Variants in GCGR observed in about 807,000 individuals in gnomAD.
The protein encoded by GCGR is glucagon receptor.
Under a neutral mutation model 56.1 loss-of-function variants are expected in GCGR, and 41 were observed. That is an observed-to-expected ratio of 0.73 (90% confidence interval 0.57 to 0.95). The LOEUF (loss-of-function observed/expected upper bound fraction) is 0.95. GCGR is among the 40% of genes least tolerant of loss of function. The pLI, the probability that GCGR is intolerant of heterozygous loss-of-function variation, is 0.00. For synonymous variants in GCGR, 278 were observed against 271.1 expected (o/e 1.03, Z -0.25); for missense variants, 595 against 638.2 (o/e 0.93, Z 0.73).
At chr17:81,809,667 C>A in intron 2 of GCGR, 115 bp from the exon 3 acceptor site, 1 of 761,536 alleles carries the variant, frequency 1.3e-6, no homozygotes. Context: ...GTCTGTCTGC[C>A]TGTCTGTCCA....
chr17:81,809,539 C>T (rs1183242945), intron 2 of GCGR, among the ~76,000 whole-genome samples: 1 of 147,916 alleles, frequency 6.8e-6, no homozygotes, highest in Non-Finnish European at 1.5e-5. Flanking sequence ...GCCTGTCTGC[C>T]CGTCTGCCTG....
Position 81,810,070 on chromosome 17 carries a change from G to GA in GCGR, c.163+187dup. 1 of 664,066 alleles carries GA rather than the reference G, an allele frequency of 1.5e-6. No homozygotes were observed. Among genetic ancestry groups the GA allele is most frequent in the Non-Finnish European group, 2.8e-6 (1 of 362,832 alleles). 41.1% of individuals were successfully genotyped at this position (664,066 alleles called of 1,614,324 possible). ...GAGGTAACTGAGCCACAGAGCTGGG[G>GA]ACTTGCCTCAGGCCGCAGAGCCAGG... is the stretch of plus-strand genomic sequence containing the variant. On this transcript the variant is annotated intron_variant, in intron 3 of 13. Coordinates refer to ENST00000400723, the MANE Select transcript of GCGR (RefSeq NM_000160.5). This position sits in a 1 kb window ranked among gnomAD's most constrained non-coding sequence, Gnocchi z 4.6.
intron 1 of GCGR, among the ~76,000 whole-genome samples, chr17:81,805,610 C>T (rs1031708243): frequency 1.3e-4 from 19 of 145,908 alleles, no homozygotes; most frequent in African/African-American, 4.0e-4. Context: ...TTGGGCACCT[C>T]GGGAACCCTC....
chr17:81,806,121 G>GCT lies in GCGR; in HGVS notation c.-178+1878_-178+1879dup, dbSNP rs770262055. Among the ~76,000 whole-genome samples the GCT allele has an allele frequency of 6.6e-6, 1 of 152,086 alleles. No individual in the cohort carries two copies. The highest frequency in any genetic ancestry group is 1.5e-5 in the Non-Finnish European group (1 of 68,000). ...GCCTCAGCCCTGCTCTCCAGGCCAGGCTCTCTCATGGGTGCTCAGCTGGAA... is the reference window on the plus strand; with the variant it reads ...GCCTCAGCCCTGCTCTCCAGGCCAGGCTCTCTCTCATGGGTGCTCAGCTGGAA... On this transcript the variant is annotated intron_variant, in intron 1 of 13. Transcript: ENST00000400723. This position sits in a 1 kb window ranked among gnomAD's most constrained non-coding sequence, Gnocchi z 6.5.
rs376533600 is a variant in GCGR, at chr17:81,808,438, G to A, written c.-177-404G>A. Among the ~76,000 whole-genome samples the A allele has an allele frequency of 2.2e-3, 335 of 151,832 alleles. 2 individuals carry two copies. The highest frequency in any genetic ancestry group is 7.9e-3 in the African/African-American group (326 of 41,402). ...CCAGCAATGAGACGAGGGGCTCTGCGACCCTCAGAGCTGCCAGCCAGCCAG... is the reference window on the plus strand; with the variant it reads ...CCAGCAATGAGACGAGGGGCTCTGCAACCCTCAGAGCTGCCAGCCAGCCAG... On this transcript the variant is annotated intron_variant, in intron 1 of 13. Transcript: ENST00000400723.
intron 2 of GCGR, 68 bp from the exon 3 acceptor site, chr17:81,809,714 T>C (rs908949454): frequency 6.7e-5 from 84 of 1,246,778 alleles, no homozygotes; most frequent in Non-Finnish European, 8.6e-5. Flanking sequence ...TGTCTGCCTG[T>C]CTGTCTGCCT....
In GCGR at chr17:81,811,210, T is replaced by C; in HGVS notation, c.394-12T>C. On this transcript the variant is annotated splice_polypyrimidine_tract_variant and intron_variant, in intron 5 of 13. Transcript: ENST00000400723. The surrounding 1 kb of genome is among the most constrained non-coding windows in gnomAD (Gnocchi z 5.8). Reference sequence around the variant, plus strand: ...CCCCTGCCTGGCCCTCACAGGCCACTGTAACTCGCAGAAGGAGGTGGCCAA... The same window carrying C: ...CCCCTGCCTGGCCCTCACAGGCCACCGTAACTCGCAGAAGGAGGTGGCCAA... The C allele has an allele frequency of 4.6e-6, 7 of 1,536,172 alleles. No homozygotes were observed. Among genetic ancestry groups the C allele is most frequent in the Non-Finnish European group, 6.1e-6 (7 of 1,146,790 alleles).
In GCGR at chr17:81,806,762, C is replaced by T. The variant is rs779216125; in HGVS notation, c.-177-2080C>T. On this transcript the variant is annotated intron_variant, in intron 1 of 13. Transcript: ENST00000400723. This position sits in a 1 kb window ranked among gnomAD's most constrained non-coding sequence, Gnocchi z 6.5. ...CCCAGGGAGCTCCTGGCTGGGTGGT[C>T]CTCCCCCCAGGGTGAGCACGCGTCC... 7.3e-4 allele frequency among the ~76,000 whole-genome samples: 107 copies of T among 146,514 alleles called. No individual in the cohort carries two copies. In the Middle Eastern group the frequency reaches 0.017, roughly 24 times the overall value.
In GCGR at chr17:81,812,885, C is replaced by T. The variant is rs368418805; in HGVS notation, c.1116C>T (p.His372=). Residue 372 remains histidine (H), a synonymous_variant, in exon 12 of 14, where the codon CAC becomes CAT. Coordinates refer to ENST00000400723, the MANE Select transcript of GCGR (RefSeq NM_000160.5). This position sits in a 1 kb window ranked among gnomAD's most constrained non-coding sequence, Gnocchi z 8.5. ...EVVFAFVTDE[H]AQGTLRSAKL... ...TCTTCGCCTTCGTGACGGACGAGCA[C>T]GCCCAGGGCACCCTGCGCTCCGCCA... The T allele has an allele frequency of 4.0e-5, 61 of 1,535,992 alleles. No individual in the cohort carries two copies. The highest frequency in any genetic ancestry group is 2.2e-4 in the Admixed American group (11 of 50,980).
rs749088223 is a variant in GCGR, at chr17:81,806,725, G to C, written c.-177-2117G>C. 6.6e-6 allele frequency among the ~76,000 whole-genome samples: 1 copy of C among 152,152 alleles called. No individual in the cohort carries two copies. Among genetic ancestry groups the C allele is most frequent in the Non-Finnish European group, 1.5e-5 (1 of 68,006 alleles). On this transcript the variant is annotated intron_variant, in intron 1 of 13. Coordinates refer to ENST00000400723, the MANE Select transcript of GCGR (RefSeq NM_000160.5). This position sits in a 1 kb window ranked among gnomAD's most constrained non-coding sequence, Gnocchi z 6.5. Reference sequence around the variant, plus strand: ...GCTTGGCCACGCTGGGCTCTAAGGGGCTGTCATTTTGCCCAGGGAGCTCCT... The same window carrying C: ...GCTTGGCCACGCTGGGCTCTAAGGGCCTGTCATTTTGCCCAGGGAGCTCCT...
At chr17:81,809,227 CCTGTCCGTCTGT>C (rs2038026322) in intron 2 of GCGR, 149 bp downstream of exon 2, 1 of 955,810 alleles carries the variant, frequency 1.0e-6, no homozygotes, top group African/African-American at 1.6e-5. Flanking sequence ...TGTCTGTCTG[CCTGTCCGTCTGT>C]CTGTCCATCT....
In GCGR at chr17:81,811,629, G is replaced by A. The variant is rs774870069; in HGVS notation, c.658-22G>A. The A allele has an allele frequency of 1.6e-5, 24 of 1,536,048 alleles. No individual in the cohort carries two copies. The highest frequency in any genetic ancestry group is 1.2e-4 in the South Asian group (10 of 84,052). On this transcript the variant is annotated intron_variant, in intron 7 of 13. Coordinates refer to ENST00000400723, the MANE Select transcript of GCGR (RefSeq NM_000160.5). This position sits in a 1 kb window ranked among gnomAD's most constrained non-coding sequence, Gnocchi z 5.8. ...GCCAGGCAGGTGGCCACGTAGCCGC[G>A]CTCACACTGCACCTGTACCAGGCGG...
At position 81,812,368 on chromosome 17, in the gene GCGR, A is replaced by T; in HGVS notation, c.948+116A>T. 3.2e-6 allele frequency: 4 copies of T among 1,245,052 alleles called. No individual in the cohort carries two copies. Among genetic ancestry groups the T allele is most frequent in the Non-Finnish European group, 4.5e-6 (4 of 889,710 alleles). 77.1% of individuals were successfully genotyped at this position (1,245,052 alleles called of 1,614,324 possible). On this transcript the variant is annotated intron_variant, in intron 10 of 13. Coordinates refer to ENST00000400723, the MANE Select transcript of GCGR (RefSeq NM_000160.5). The surrounding 1 kb of genome is among the most constrained non-coding windows in gnomAD (Gnocchi z 8.5). ...GAGCGCTGGGAGGGAGCCGGCACCC[A>T]GACAGGACACCAGGACACTGGCCAG...
chr17:81,812,026 C>T lies in GCGR; in HGVS notation c.878+80C>T, dbSNP rs1023129819. The T allele has an allele frequency of 1.1e-5, 16 of 1,502,222 alleles. 1 individual carries two copies. Among genetic ancestry groups the T allele is most frequent in the Admixed American group, 6.0e-5 (3 of 50,354 alleles). The allele number at this position is 1,502,222 out of a possible 1,614,324, so 93.1% of individuals were successfully genotyped here. A position where few individuals can be genotyped will look rare whatever the true frequency, so the allele number is the denominator to read the frequency against. ...GCTCTGGCCTGAGGCAGGGAGGGGCCGGGGATGAGCCTGGTGCCTGGGGAG... is the reference window on the plus strand; with the variant it reads ...GCTCTGGCCTGAGGCAGGGAGGGGCTGGGGATGAGCCTGGTGCCTGGGGAG... On this transcript the variant is annotated intron_variant, in intron 9 of 13. Coordinates refer to ENST00000400723, the MANE Select transcript of GCGR (RefSeq NM_000160.5). This position sits in a 1 kb window ranked among gnomAD's most constrained non-coding sequence, Gnocchi z 8.5.
At position 81,812,866 on chromosome 17, in the gene GCGR, C is replaced by T; in HGVS notation, c.1097C>T (p.Ala366Val). The change falls in exon 12 of 14, where the codon GCC becomes GTC. Residue 366 changes from alanine (A) to valine (V), a missense_variant. Physicochemically the swap from Ala to Val is moderately conservative, Grantham distance 64. Transcript: ENST00000400723. The surrounding 1 kb of genome is among the most constrained non-coding windows in gnomAD (Gnocchi z 8.5). ...CTGGGCGTCCACGAAGTGGTCTTCGCCTTCGTGACGGACGAGCACGCCCAG... is the reference window on the plus strand; with the variant it reads ...CTGGGCGTCCACGAAGTGGTCTTCGTCTTCGTGACGGACGAGCACGCCCAG... ...PLLGVHEVVF[A>V]FVTDEHAQGT... 1.3e-6 allele frequency: 2 copies of T among 1,536,086 alleles called. No homozygotes were observed. The highest frequency in any genetic ancestry group is 1.7e-6 in the Non-Finnish European group (2 of 1,146,764).
In GCGR at chr17:81,812,700, G is replaced by A. The variant is rs1212158732; in HGVS notation, c.1037+35G>A. The A allele has an allele frequency of 6.5e-7, 1 of 1,531,040 alleles. No individual in the cohort carries two copies. Among genetic ancestry groups the A allele is most frequent in the Non-Finnish European group, 8.8e-7 (1 of 1,142,764 alleles). 94.8% of individuals were successfully genotyped at this position (1,531,040 alleles called of 1,614,324 possible). On this transcript the variant is annotated intron_variant, in intron 11 of 13. Transcript: ENST00000400723. This position sits in a 1 kb window ranked among gnomAD's most constrained non-coding sequence, Gnocchi z 8.5. ...GCGGCAGCTGGCGTCTCGAGACCTGGAGACCCTCAGGGCCAGAGGGCAGCT... is the reference window on the plus strand; with the variant it reads ...GCGGCAGCTGGCGTCTCGAGACCTGAAGACCCTCAGGGCCAGAGGGCAGCT...
At position 81,808,869 on chromosome 17, in the gene GCGR, A is replaced by T. The variant is rs2038015621; in HGVS notation, c.-150A>T. 2.2e-6 allele frequency: 2 copies of T among 915,370 alleles called. No homozygotes were observed. The highest frequency in any genetic ancestry group is 3.4e-6 in the Non-Finnish European group (2 of 591,172). The allele number at this position is 915,370 out of a possible 1,614,324, so 56.7% of individuals were successfully genotyped here. ...CCCTGAGGCTCAGAGGGGCAGCTTCAGGGGAGGACACCCCACTGGCCAGGA... is the reference window on the plus strand; with the variant it reads ...CCCTGAGGCTCAGAGGGGCAGCTTCTGGGGAGGACACCCCACTGGCCAGGA... On this transcript the variant is annotated 5_prime_UTR_variant, in exon 2 of 14. Coordinates refer to ENST00000400723, the MANE Select transcript of GCGR (RefSeq NM_000160.5).
chr17:81,813,280 G>A lies in GCGR; in HGVS notation c.1219-194G>A, dbSNP rs925404988. ...CCCCATCGCTACGGTGTCCACCGTG[G>A]GGGTCCCCAGGTGTCTGCAGACTGC... On this transcript the variant is annotated intron_variant, in intron 13 of 13. Transcript: ENST00000400723. The surrounding 1 kb of genome is among the most constrained non-coding windows in gnomAD (Gnocchi z 5.3). 6.6e-6 allele frequency among the ~76,000 whole-genome samples: 1 copy of A among 152,166 alleles called. No individual in the cohort carries two copies. The highest frequency in any genetic ancestry group is 1.5e-5 in the Non-Finnish European group (1 of 68,004).
chr17:81,808,125 G>C (rs1392925952), intron 1 of GCGR, among the ~76,000 whole-genome samples: 1 of 152,258 alleles, frequency 6.6e-6, no homozygotes, highest in Non-Finnish European at 1.5e-5. Flanking sequence ...ACAGACCCCT[G>C]AGTGTGGGCC....
Sources: gnomAD v4.1 joint callset for allele counts (sites outside exome capture counted in the v4.1 genomes callset) on GRCh38, gnomAD v4.1.1 for gene constraint, Gnocchi (gnomAD v3.1) non-coding constraint, MANE v1.5 for transcripts, NCBI Gene and HGNC (gene_info 2026-07-23, HGNC 2026-07-21) for gene names.